STARD9: variants seen among roughly 807,000 people sequenced by gnomAD.
The protein encoded by STARD9 is StAR related lipid transfer domain containing 9.
A neutral mutation model predicts 399.8 loss-of-function variants in STARD9; 346 were observed. That is an observed-to-expected ratio of 0.87 (90% CI 0.79 to 0.95). STARD9 has a LOEUF of 0.95. Ranked by LOEUF, STARD9 falls within the 40% of genes least tolerant of loss-of-function variation. The pLI is 0.00. For missense variants in STARD9, 5,832 were observed against 5,667.5 expected (o/e 1.03, Z -0.93); for synonymous variants, 2,203 against 2,143.5 (o/e 1.03, Z -0.77).
Position 42,694,536 on chromosome 15 carries a change from A to G in STARD9, c.12773A>G (p.Lys4258Arg). 5 of 1,537,180 alleles carry G rather than the reference A, an allele frequency of 3.3e-6. No homozygotes were observed. Among genetic ancestry groups the G allele is most frequent in the Non-Finnish European group, 2.6e-6 (3 of 1,146,886 alleles). The change falls in exon 24 of 33, where the codon AAG becomes AGG. Residue 4258 changes from lysine (K) to arginine (R), a missense_variant. Coordinates refer to ENST00000290607, the MANE Select transcript of STARD9 (RefSeq NM_020759.3). The stretch of plus-strand genomic sequence containing the variant: ...ATCGTGTTTTGCCTCAGGCAAAAAA[A>G]GGCCATTGAGACCCTCAGGAGAGAG... ...TWKELYARQK[K>R]AIETLRRERA... is the part of the protein sequence containing the mutation.
chr15:42,714,101 C>T (rs1029083837), intron 26 of STARD9, among the ~76,000 whole-genome samples: 41 of 135,892 alleles, frequency 3.0e-4, no homozygotes, highest in Non-Finnish European at 3.2e-4. Context: ...CTTGCTCTGT[C>T]CCCCAGGCTG....
At position 42,690,707 on chromosome 15, in the gene STARD9, G is replaced by A. The variant is rs1470926244; in HGVS notation, c.9129G>A (p.Glu3043=). 7.2e-6 allele frequency: 11 copies of A among 1,537,106 alleles called. No homozygotes were observed. Among genetic ancestry groups the A allele is most frequent in the South Asian group, 3.6e-5 (3 of 84,052 alleles). ...EFRLTESSTC[E]PSTVAAVLSR... ...GGCTAACAGAGAGCAGCACTTGTGA[G>A]CCTTCTACTGTGGCTGCTGTCCTAT... The change falls in exon 23 of 33, where the codon GAG becomes GAA. Residue 3043 remains glutamate (E), a synonymous_variant. Coordinates refer to ENST00000290607, the MANE Select transcript of STARD9 (RefSeq NM_020759.3).
At chr15:42,674,278 C>T (rs1041931494) in intron 16 of STARD9, among the ~76,000 whole-genome samples, 162 bp from the exon 17 acceptor site, 5 of 152,048 alleles carry the variant, frequency 3.3e-5, no homozygotes, top group South Asian at 4.1e-4. Flanking sequence ...TCAGAACAGC[C>T]GGGACCAAAG....
chr15:42,611,942 T>C (rs2058858133), intron 3 of STARD9, among the ~76,000 whole-genome samples: 1 of 152,142 alleles, frequency 6.6e-6, no homozygotes, highest in Non-Finnish European at 1.5e-5. Context: ...AGTTGATCAG[T>C]TAATCTTTGG....
chr15:42,706,127 T>C (rs569493524), intron 26 of STARD9, among the ~76,000 whole-genome samples: 1 of 152,344 alleles, frequency 6.6e-6, no homozygotes, highest in African/African-American at 2.4e-5. Flanking sequence ...CTATTTTTAA[T>C]AGGATCATGT....
At chr15:42,653,038 T>C (rs2059795837) in intron 9 of STARD9, among the ~76,000 whole-genome samples, 1 of 152,196 alleles carries the variant, frequency 6.6e-6, no homozygotes, top group South Asian at 2.1e-4. Context: ...AACCTAATAT[T>C]GTAAACCGGA....
chr15:42,589,793 G>A (rs2058358528), intron 3 of STARD9, among the ~76,000 whole-genome samples: 1 of 151,528 alleles, frequency 6.6e-6, no homozygotes, highest in Non-Finnish European at 1.5e-5. Flanking sequence ...TTTTAGTAGA[G>A]ACGGGGTTTC....
chr15:42,658,320 C>T (rs986799603), intron 9 of STARD9, among the ~76,000 whole-genome samples: 2 of 122,814 alleles, frequency 1.6e-5, no homozygotes, highest in Non-Finnish European at 1.7e-5. Context: ...TGTGTGTGTA[C>T]ACTTACAGTG....
chr15:42,715,771 G>A (rs1488506917), intron 26 of STARD9, among the ~76,000 whole-genome samples: 1 of 152,178 alleles, frequency 6.6e-6, no homozygotes, highest in African/African-American at 2.4e-5. Context: ...GCCTCCCAAA[G>A]TGTTGGGATT....
chr15:42,684,792 CA>C lies in STARD9; in HGVS notation c.3218del (p.Asn1073IlefsTer17). On this transcript the variant is annotated frameshift_variant, in exon 23 of 33. Coordinates refer to ENST00000290607, the MANE Select transcript of STARD9 (RefSeq NM_020759.3). LOFTEE classifies it high-confidence loss of function. ...TCTTGGCAGTCCTTTGAAGAGACAA[CA>C]AAATACAAGGGACCCAGACACCATG... is the stretch of plus-strand genomic sequence containing the variant. Reference protein sequence around the residue: ...LPLGSPLKRQQNTRDPDTMVP... With the variant: ...LPLGSPLKRQXNTRDPDTMVP... The C allele has an allele frequency of 1.3e-6, 2 of 1,537,238 alleles. No individual in the cohort carries two copies. Among genetic ancestry groups the C allele is most frequent in the Non-Finnish European group, 1.7e-6 (2 of 1,146,920 alleles).
Position 42,719,670 on chromosome 15 carries a change from A to G in STARD9, c.*96A>G, listed in dbSNP as rs1429520050. 5 of 810,138 alleles carry G rather than the reference A, an allele frequency of 6.2e-6. No individual in the cohort carries two copies. The African/African-American group carries it at 6.9e-5, about 11-fold the overall frequency. 50.2% of individuals were successfully genotyped at this position (810,138 alleles called of 1,614,324 possible). ...CTTGTTACTTTCCATACCACAGTGC[A>G]GGAAAAGCTGATGCTACCTGCTGTG... is the stretch of plus-strand genomic sequence containing the variant. On this transcript the variant is annotated 3_prime_UTR_variant, in exon 33 of 33. Coordinates refer to ENST00000290607, the MANE Select transcript of STARD9 (RefSeq NM_020759.3).
At chr15:42,670,819 C>T (rs1364969758) in intron 16 of STARD9, 2 of 152,162 alleles carry the variant, frequency 1.3e-5, no homozygotes, top group East Asian at 3.8e-4. Flanking sequence ...GTGAAAGTGC[C>T]TGAGGCAGAA....
At chr15:42,647,390 T>G (rs946378222) in intron 7 of STARD9, among the ~76,000 whole-genome samples, 1 of 152,194 alleles carries the variant, frequency 6.6e-6, no homozygotes, top group Non-Finnish European at 1.5e-5. Context: ...ATTCTGCCAA[T>G]TTTTGTTTTA....
Position 42,694,581 on chromosome 15 carries a change from ACTT to A in STARD9, c.12821_12823del (p.Phe4274del), listed in dbSNP as rs1566952382. On this transcript the variant is annotated inframe_deletion, in exon 24 of 33. Transcript: ENST00000290607. ...AGAGAGCGGGCTGAGCGACTTGGGAACTTCTGCCGGACGCGAAGCCTTAGCCCT... is the reference window on the plus strand; with the variant it reads ...AGAGAGCGGGCTGAGCGACTTGGGAACTGCCGGACGCGAAGCCTTAGCCCT... 7 of 1,537,190 alleles carry A rather than the reference ACTT, an allele frequency of 4.6e-6. No individual in the cohort carries two copies. Among genetic ancestry groups the A allele is most frequent in the Admixed American group, 3.9e-5 (2 of 50,996 alleles).
At chr15:42,586,884 T>A (rs913193933) in intron 3 of STARD9, among the ~76,000 whole-genome samples, 2 of 151,988 alleles carry the variant, frequency 1.3e-5, no homozygotes, top group African/African-American at 4.8e-5. Context: ...GGAGATGATC[T>A]TGTTCTGTTG....
In STARD9 at chr15:42,682,290, T is replaced by C. The variant is rs2060447185; in HGVS notation, c.2252T>C (p.Leu751Pro). Residue 751 changes from leucine to proline, a missense_variant, in exon 22 of 33, where the codon CTG (leucine) becomes CCG (proline). Coordinates refer to ENST00000290607, the MANE Select transcript of STARD9 (RefSeq NM_020759.3). ...AAAAGGGTGGTGCACCTGCAGCTCC[T>C]GCGGAGACACACTCTTCGGGCAGCA... ...SQKRVVHLQL[L>P]RRHTLRAAER... The C allele has an allele frequency of 1.3e-6, 2 of 1,537,108 alleles. No individual in the cohort carries two copies. Among genetic ancestry groups the C allele is most frequent in the African/African-American group, 1.4e-5 (1 of 73,034 alleles).
rs375490387 is a variant in STARD9 at position 42,682,071 on chromosome 15, C to T, written c.2066-33C>T. 183 of 1,423,786 alleles carry T rather than the reference C, an allele frequency of 1.3e-4. 3 individuals are homozygous for T. In the South Asian group the frequency reaches 2.2e-3, roughly 17 times the overall value. The allele number at this position is 1,423,786 out of a possible 1,614,324, so 88.2% of individuals were successfully genotyped here. ...GCAGCCACAAGCAGGGAAGGAGATGCTGAAATTCTCTCTGGGTGTTTTTGG... is the reference window on the plus strand; with the variant it reads ...GCAGCCACAAGCAGGGAAGGAGATGTTGAAATTCTCTCTGGGTGTTTTTGG... On this transcript the variant is annotated intron_variant, in intron 21 of 32. Transcript: ENST00000290607.
rs143402747 is a variant in STARD9 at position 42,695,854 on chromosome 15, G to C, written c.13258G>C (p.Gly4420Arg). The C allele has an allele frequency of 8.8e-4, 1,351 of 1,537,240 alleles. 21 individuals are homozygous for C. The East Asian group carries it at 0.029, about 33-fold the overall frequency. Residue 4420 changes from glycine to arginine, a missense_variant, in exon 26 of 33, where the codon GGC becomes CGC. This residue lies in a region of STARD9 where 5,828 missense variants were observed against 5,651.1 expected (regional missense o/e 1.03). Coordinates refer to ENST00000290607, the MANE Select transcript of STARD9 (RefSeq NM_020759.3). ...CTATAATAGCAGCCCAGCCTTGTCAGGCCAGCTCCAGTTCCCAGAGAATAT... is the reference window on the plus strand; with the variant it reads ...CTATAATAGCAGCCCAGCCTTGTCACGCCAGCTCCAGTTCCCAGAGAATAT... Reference protein sequence around the residue: ...SGYNSSPALSGQLQFPENMGH... With the variant: ...SGYNSSPALSRQLQFPENMGH...
chr15:42,675,402 T>C, intron 18 of STARD9: 2 of 507,954 alleles, frequency 3.9e-6, no homozygotes, highest in Non-Finnish European at 7.0e-6. Flanking sequence ...GAGCTGAGAT[T>C]CCTCCTCTTC....
Sources: allele counts gnomAD v4.1 joint callset (sites outside exome capture counted in the v4.1 genomes callset), GRCh38; gene constraint gnomAD v4.1.1; regional missense constraint gnomAD v4.1.1; transcripts MANE v1.5; gene names NCBI Gene and HGNC (gene_info 2026-07-23, HGNC 2026-07-21).